The following ZNF561 variants were observed in gnomAD, a reference collection of about 807,000 sequenced individuals.
ZNF561 encodes the protein zinc finger protein 561.
A neutral mutation model predicts 16.7 loss-of-function variants in ZNF561; 16 were observed. The ratio of observed to expected loss-of-function variants is 0.96; its 90% CI spans 0.65 to 1.45. ZNF561 has a LOEUF of 1.45. Among genes scored for constraint, ZNF561 ranks in the 40% most tolerant of loss-of-function variants. The pLI is 0.00. For missense variants in ZNF561, 580 were observed against 578.0 expected (o/e 1.00, Z -0.04); for synonymous variants, 190 against 192.1 (o/e 0.99, Z 0.09).
intron 4 of ZNF561, among the ~76,000 whole-genome samples, chr19:9,614,995 C>T (rs113505247): frequency 0.095 from 14,489 of 151,868 alleles, 940 homozygotes; most frequent in South Asian, 0.18. Context: ...TGTGCCACCA[C>T]GTCTGGCTAA....
intron 5 of ZNF561, among the ~76,000 whole-genome samples, chr19:9,613,623 T>C: frequency 6.6e-6 from 1 of 151,778 alleles, no homozygotes; most frequent in Non-Finnish European, 1.5e-5. Context: ...GTTCATGCCA[T>C]TCTCCTGTCT....
Position 9,610,696 on chromosome 19 carries a change from G to A in ZNF561, c.965C>T (p.Thr322Ile). ...TYCGKAFTRS[T>I]QLTEHVRTHT... ...AGTTCTTACATGTTCAGTAAGTTGA[G>A]TTGATCTAGTGAAGGCTTTCCCACA... The change falls in exon 6 of 6, where the codon ACT becomes ATT. Residue 322 changes from threonine to isoleucine, a missense_variant. Coordinates refer to ENST00000302851, the MANE Select transcript of ZNF561 (RefSeq NM_152289.3). 2 of 1,614,164 alleles carry A rather than the reference G, an allele frequency of 1.2e-6. No homozygotes were observed. The highest frequency in any genetic ancestry group is 1.7e-6 in the Non-Finnish European group (2 of 1,180,002).
chr19:9,619,920 TC>T (rs371700245), intron 1 of ZNF561, among the ~76,000 whole-genome samples: 11 of 52,034 alleles, frequency 2.1e-4, no homozygotes, highest in Middle Eastern at 9.1e-3. Flanking sequence ...TCTATATCTA[TC>T]CTATCTATCT....
At chr19:9,618,233 T>C in intron 2 of ZNF561, 54 bp from the exon 3 acceptor site, 1 of 1,462,004 alleles carries the variant, frequency 6.8e-7, no homozygotes, top group Non-Finnish European at 9.3e-7. Context: ...CCTTCCCACA[T>C]TCTCATGCCT....
Position 9,610,813 on chromosome 19 carries a change from C to A in ZNF561, c.848G>T (p.Cys283Phe). The change falls in exon 6 of 6, where the codon TGT (cysteine) becomes TTT (phenylalanine). Residue 283 changes from cysteine (C) to phenylalanine (F), a missense_variant. Physicochemically the swap from Cys to Phe is radical, Grantham distance 205. Transcript: ENST00000302851. Reference sequence around the variant, plus strand: ...TCTAAAGGATCTTCCACATTCTTTACATTCAAAGGACTTCTCTCCTTTATG... The same window carrying A: ...TCTAAAGGATCTTCCACATTCTTTAAATTCAAAGGACTTCTCTCCTTTATG... Reference protein sequence around the residue: ...KTHKGEKSFECKECGRSFRNS... With the variant: ...KTHKGEKSFEFKECGRSFRNS... The A allele has an allele frequency of 6.2e-7, 1 of 1,614,056 alleles. No homozygotes were observed. The highest frequency in any genetic ancestry group is 1.3e-5 in the African/African-American group (1 of 75,038).
rs1247211719 is a variant in ZNF561 at position 9,607,543 on chromosome 19, C to T, written c.*2657G>A. The T allele has an allele frequency of 6.6e-6, 1 of 152,064 alleles. No homozygotes were observed. The highest frequency in any genetic ancestry group is 1.5e-5 in the Non-Finnish European group (1 of 68,028). The allele number at this position is 152,064 out of a possible 1,614,324, so 9.4% of individuals were successfully genotyped here. On this transcript the variant is annotated 3_prime_UTR_variant, in exon 6 of 6. Transcript: ENST00000302851. ...AGAAACCTTTCCTGTAAGAGATTAG[C>T]CTCTTCAAAAAATAAAATAAAAACC... is the stretch of plus-strand genomic sequence containing the variant.
chr19:9,618,018 T>A (rs2074589306), intron 3 of ZNF561, 73 bp downstream of exon 3: 1 of 1,379,150 alleles, frequency 7.3e-7, no homozygotes, highest in Non-Finnish European at 1.0e-6. Context: ...AAGATGAGTC[T>A]GTCTAGAAAG....
chr19:9,619,123 A>G (rs1248006512), intron 2 of ZNF561: 3 of 179,236 alleles, frequency 1.7e-5, no homozygotes, highest in African/African-American at 2.4e-5. Context: ...CAGGTCTGGC[A>G]GTATGTGCTT....
chr19:9,610,994 T>C lies in ZNF561; in HGVS notation c.667A>G (p.Lys223Glu). 1 of 1,614,194 alleles carries C rather than the reference T, an allele frequency of 6.2e-7. No individual in the cohort carries two copies. Among genetic ancestry groups the C allele is most frequent in the African/African-American group, 1.3e-5 (1 of 75,070 alleles). Reference protein sequence around the residue: ...DNHMGIHTDEKLCEFQEYGRA... With the variant: ...DNHMGIHTDEELCEFQEYGRA... ...CCATATTCCTGAAATTCACAGAGTT[T>C]CTCATCAGTGTGGATTCCCATATGA... The change falls in exon 6 of 6, where the codon AAA (lysine) becomes GAA (glutamate). Residue 223 changes from lysine (K) to glutamate (E), a missense_variant. Transcript: ENST00000302851.
rs2074620042 is a variant in ZNF561, at chr19:9,619,495, T to G, written c.-39A>C. On this transcript the variant is annotated 5_prime_UTR_variant, in exon 2 of 6. Coordinates refer to ENST00000302851, the MANE Select transcript of ZNF561 (RefSeq NM_152289.3). ...TGGTGTGATGATGTGCATCCCTTCC[T>G]TGATGCCAAGATCACCTCAGGCCAG... 1 of 1,611,248 alleles carries G rather than the reference T, an allele frequency of 6.2e-7. No individual in the cohort carries two copies. The highest frequency in any genetic ancestry group is 1.3e-5 in the African/African-American group (1 of 74,956).
intron 4 of ZNF561, among the ~76,000 whole-genome samples, chr19:9,616,689 T>C (rs905514047): frequency 2.6e-5 from 4 of 151,990 alleles, no homozygotes; most frequent in Admixed American, 2.0e-4. Flanking sequence ...CCTCCCGGGT[T>C]CATGCAATTC....
At chr19:9,616,950 C>T in intron 4 of ZNF561, 95 bp downstream of exon 4, 2 of 1,460,804 alleles carry the variant, frequency 1.4e-6, no homozygotes, top group African/African-American at 1.4e-5. Context: ...TAGTATCAAA[C>T]TCCCAGGCTC....
intron 4 of ZNF561, among the ~76,000 whole-genome samples, chr19:9,614,887 G>C (rs1039961364): frequency 2.0e-5 from 3 of 148,534 alleles, no homozygotes; most frequent in African/African-American, 7.5e-5. Context: ...CACCCACACT[G>C]GAGCGCAGTG....
At position 9,610,345 on chromosome 19, in the gene ZNF561, T is replaced by C. The variant is rs1289219658; in HGVS notation, c.1316A>G (p.His439Arg). 3 of 1,614,218 alleles carry C rather than the reference T, an allele frequency of 1.9e-6. No homozygotes were observed. The East Asian group carries it at 6.7e-5, about 36-fold the overall frequency. Reference protein sequence around the residue: ...AFLYSSRLNVHLRTHTGEKPF... With the variant: ...AFLYSSRLNVRLRTHTGEKPF... ...TTTCTCTCCGGTATGAGTTCGCAGG[T>C]GAACATTAAGGCGTGAGGAATATAG... Residue 439 changes from histidine to arginine, a missense_variant, in exon 6 of 6, where the codon CAC becomes CGC. His to Arg is a conservative substitution (Grantham distance 29, BLOSUM62 0). Coordinates refer to ENST00000302851, the MANE Select transcript of ZNF561 (RefSeq NM_152289.3).
Position 9,610,990 on chromosome 19 carries a change from A to G in ZNF561, c.671T>C (p.Leu224Pro), listed in dbSNP as rs2074443122. The stretch of plus-strand genomic sequence containing the variant: ...TCTCCCATATTCCTGAAATTCACAG[A>G]GTTTCTCATCAGTGTGGATTCCCAT... ...NHMGIHTDEK[L>P]CEFQEYGRAV... Residue 224 changes from leucine to proline, a missense_variant, in exon 6 of 6, where the codon CTC becomes CCC. By Grantham distance (98) the Leu-to-Pro change is moderately conservative. Coordinates refer to ENST00000302851, the MANE Select transcript of ZNF561 (RefSeq NM_152289.3). 8 of 1,614,196 alleles carry G rather than the reference A, an allele frequency of 5.0e-6. No homozygotes were observed. Among genetic ancestry groups the G allele is most frequent in the Non-Finnish European group, 6.8e-6 (8 of 1,180,044 alleles).
rs769455923 is a variant in ZNF561 at position 9,618,133 on chromosome 19, C to T, written c.72G>A (p.Lys24=). ...GGTAGTCCTCCACCATCCTTTCTAC[C>T]TTTGTCTTTTCTTCAAAAGGGCAGA... ...EPICPFEEKT[K]VERMVEDYLA... Residue 24 remains lysine, a synonymous_variant, in exon 3 of 6, where the codon AAG becomes AAA. Coordinates refer to ENST00000302851, the MANE Select transcript of ZNF561 (RefSeq NM_152289.3). 32 of 1,551,212 alleles carry T rather than the reference C, an allele frequency of 2.1e-5. No individual in the cohort carries two copies. Among genetic ancestry groups the T allele is most frequent in the Non-Finnish European group, 2.7e-5 (31 of 1,146,728 alleles).
intron 4 of ZNF561, among the ~76,000 whole-genome samples, chr19:9,616,324 C>T (rs1414790737): frequency 2.0e-5 from 3 of 152,102 alleles, no homozygotes; most frequent in Non-Finnish European, 4.4e-5. Flanking sequence ...CTGTGTCGCC[C>T]CGGCAGGAGT....
At chr19:9,611,996 C>T (rs111564896) in intron 5 of ZNF561, among the ~76,000 whole-genome samples, 13,995 of 151,998 alleles carry the variant, frequency 0.092, 855 homozygotes, top group South Asian at 0.18. Flanking sequence ...GGCATGATTT[C>T]GGCTCGTTGC....
chr19:9,617,354 C>CAT, intron 3 of ZNF561, 183 bp from the exon 4 acceptor site: 1 of 1,263,018 alleles, frequency 7.9e-7, no homozygotes, highest in Non-Finnish European at 1.0e-6. Context: ...CTCCTACAGG[C>CAT]ATATGCCTTA....
Sources: allele counts gnomAD v4.1 joint callset (sites outside exome capture counted in the v4.1 genomes callset), GRCh38; gene constraint gnomAD v4.1.1; transcripts MANE v1.5; gene names NCBI Gene and HGNC (gene_info 2026-07-23, HGNC 2026-07-21).